PRKG1: variants seen among roughly 807,000 people sequenced by gnomAD.
PRKG1 encodes the protein protein kinase cGMP-dependent 1, also known as cGMP-dependent protein kinase 1.
PRKG1 carries 35 observed loss-of-function variants against 88.1 expected under a neutral mutation model. The ratio of observed to expected loss-of-function variants is 0.40; its 90% confidence interval spans 0.30 to 0.53. PRKG1 has a LOEUF of 0.53. PRKG1 is among the 20% of genes least tolerant of loss of function. PRKG1 has a pLI of 0.59. For missense variants in PRKG1, 540 were observed against 839.8 expected (o/e 0.64, Z 4.41); for synonymous variants, 303 against 292.5 (o/e 1.04, Z -0.37).
intron 4 of PRKG1, among the ~76,000 whole-genome samples, chr10:51,859,070 G>C (rs4935285): frequency 0.028 from 4,185 of 152,112 alleles, 180 homozygotes; most frequent in African/African-American, 0.092. Flanking sequence ...ATGAGGCCCA[G>C]AGGAAAGGAA....
chr10:51,139,505 T>C (rs10822288), intron 1 of PRKG1, among the ~76,000 whole-genome samples: 65,993 of 151,902 alleles, frequency 0.43, 16,930 homozygotes, highest in East Asian at 0.7. Context: ...TTGTGGGACC[T>C]CTCTCTTGAC....
At chr10:51,688,020 TG>T (rs1401458242) in intron 3 of PRKG1, among the ~76,000 whole-genome samples, 3 of 152,212 alleles carry the variant, frequency 2.0e-5, no homozygotes, top group African/African-American at 7.2e-5. Flanking sequence ...TAAGGATTTT[TG>T]CCAATTCTTG....
At chr10:51,669,075 G>A (rs1292971662) in intron 3 of PRKG1, among the ~76,000 whole-genome samples, 1 of 152,136 alleles carries the variant, frequency 6.6e-6, no homozygotes, top group African/African-American at 2.4e-5. Context: ...AACTGTAATT[G>A]TGTTCTACAT....
intron 3 of PRKG1, among the ~76,000 whole-genome samples, chr10:51,654,510 T>C (rs557924507): frequency 6.6e-6 from 1 of 152,256 alleles, no homozygotes; most frequent in African/African-American, 2.4e-5. Flanking sequence ...TTATTCATGG[T>C]CTTCTATGGT....
intron 3 of PRKG1, among the ~76,000 whole-genome samples, chr10:51,688,962 G>A (rs1400649457): frequency 1.3e-5 from 2 of 152,094 alleles, no homozygotes; most frequent in African/African-American, 4.8e-5. Flanking sequence ...TTCCCATGCT[G>A]TTTTCATGAT....
At chr10:51,949,760 AG>A (rs1396690544) in intron 5 of PRKG1, among the ~76,000 whole-genome samples, 2 of 152,180 alleles carry the variant, frequency 1.3e-5, no homozygotes, top group African/African-American at 4.8e-5. Flanking sequence ...ACTTACCTGC[AG>A]ACATAAATTA....
Position 51,889,952 on chromosome 10 carries a change from A to G in PRKG1, c.699-17555A>G, listed in dbSNP as rs190943447. On this transcript the variant is annotated intron_variant, in intron 4 of 17. Coordinates refer to ENST00000373980, the MANE Select transcript of PRKG1 (RefSeq NM_006258.4). Reference sequence around the variant, plus strand: ...TGTTTGAGTTCTTTGTAGATTCTGGATATTAGCCCTTTGTCAGATGAGTAG... The same window carrying G: ...TGTTTGAGTTCTTTGTAGATTCTGGGTATTAGCCCTTTGTCAGATGAGTAG... Among the ~76,000 whole-genome samples, 797 of 152,114 alleles carry G rather than the reference A, an allele frequency of 5.2e-3. 11 individuals carry two copies. Among genetic ancestry groups the G allele is most frequent in the African/African-American group, 0.018 (760 of 41,472 alleles).
At chr10:51,114,574 T>A (rs1177675419) in intron 1 of PRKG1, among the ~76,000 whole-genome samples, 1 of 152,158 alleles carries the variant, frequency 6.6e-6, no homozygotes, top group Admixed American at 6.5e-5. Flanking sequence ...ATTCCTTTTT[T>A]CAAACTTTTA....
intron 1 of PRKG1, among the ~76,000 whole-genome samples, chr10:51,054,901 A>T (rs1196693760): frequency 6.6e-6 from 1 of 152,222 alleles, no homozygotes; most frequent in East Asian, 1.9e-4. Context: ...CTAATGGTCT[A>T]TGAAAAGCAC....
intron 3 of PRKG1, among the ~76,000 whole-genome samples, chr10:51,511,681 A>G (rs1841415764): frequency 6.6e-6 from 1 of 152,216 alleles, no homozygotes; most frequent in Non-Finnish European, 1.5e-5. Flanking sequence ...GACTGGCTCT[A>G]CCAACTGCTG....
intron 3 of PRKG1, chr10:51,699,232 A>C (rs770698763): frequency 2.7e-5 from 43 of 1,613,976 alleles, no homozygotes; most frequent in Non-Finnish European, 3.4e-5. Context: ...TGGGCGCTGC[A>C]GGCCCAAGGC....
At chr10:51,519,434 C>G (rs1462465918) in intron 3 of PRKG1, among the ~76,000 whole-genome samples, 1 of 152,034 alleles carries the variant, frequency 6.6e-6, no homozygotes, top group South Asian at 2.1e-4. Context: ...ATCTTCTCCT[C>G]TTAAGGTACA....
At chr10:52,258,159 T>C (rs1470252341) in intron 10 of PRKG1, among the ~76,000 whole-genome samples, 1 of 139,104 alleles carries the variant, frequency 7.2e-6, no homozygotes, top group Non-Finnish European at 1.6e-5. Flanking sequence ...TAGTTGAAGT[T>C]AGTATCCTAC....
At chr10:51,217,075 A>T (rs1236647793) in intron 2 of PRKG1, among the ~76,000 whole-genome samples, 2 of 152,140 alleles carry the variant, frequency 1.3e-5, no homozygotes, top group African/African-American at 4.8e-5. Context: ...GTGATAGTTA[A>T]AGTTTAATAC....
At chr10:51,296,251 T>C (rs1351627841) in intron 2 of PRKG1, among the ~76,000 whole-genome samples, 1 of 152,124 alleles carries the variant, frequency 6.6e-6, no homozygotes, top group East Asian at 1.9e-4. Context: ...AGGATTGTTA[T>C]CAGTTCTTCT....
In PRKG1 at chr10:52,259,442, GAAATA is replaced by G. The variant is rs1238351492; in HGVS notation, c.1173+7778_1173+7782del. 2.0e-5 allele frequency among the ~76,000 whole-genome samples: 3 copies of G among 152,120 alleles called. No homozygotes were observed. In the East Asian group the frequency reaches 5.8e-4, roughly 29 times the overall value. ...ATAGTCATGTCTTTTTAAATAAAAT[GAAATA>G]ATTTATCTTGCTTTCTGGAAAAAAT... On this transcript the variant is annotated intron_variant, in intron 10 of 17. Coordinates refer to ENST00000373980, the MANE Select transcript of PRKG1 (RefSeq NM_006258.4).
intron 7 of PRKG1, among the ~76,000 whole-genome samples, chr10:52,130,350 G>T (rs776429060): frequency 6.6e-6 from 1 of 151,964 alleles, no homozygotes; most frequent in Non-Finnish European, 1.5e-5. Context: ...TCTTTTTGTT[G>T]CATGGAAATT....
At chr10:51,460,844 A>G (rs1297390294) in intron 2 of PRKG1, among the ~76,000 whole-genome samples, 1 of 152,140 alleles carries the variant, frequency 6.6e-6, no homozygotes, top group African/African-American at 2.4e-5. Flanking sequence ...TTTCATTCTG[A>G]TGGTTCAGAT....
intron 3 of PRKG1, among the ~76,000 whole-genome samples, chr10:51,720,105 T>C (rs1232873177): frequency 6.6e-6 from 1 of 152,188 alleles, no homozygotes; most frequent in Non-Finnish European, 1.5e-5. Flanking sequence ...AGAGAAACTG[T>C]AATGAGTTAT....
Sources: allele counts gnomAD v4.1 joint callset (sites outside exome capture counted in the v4.1 genomes callset), GRCh38; gene constraint gnomAD v4.1.1; transcripts MANE v1.5; gene names NCBI Gene and HGNC (gene_info 2026-07-23, HGNC 2026-07-21).